PLEKHA8: variants seen among roughly 807,000 people sequenced by gnomAD.
PLEKHA8 encodes the protein pleckstrin homology domain-containing family A member 8.
In PLEKHA8, 36 loss-of-function variants were observed where a neutral mutation model predicts 68.2. The ratio of observed to expected loss-of-function variants is 0.53; its 90% CI spans 0.40 to 0.70. The LOEUF (loss-of-function observed/expected upper bound fraction) is 0.70, where lower values mean the gene tolerates loss of function less well. PLEKHA8 is among the 30% of genes least tolerant of loss of function. PLEKHA8 has a pLI of 0.00. For missense variants in PLEKHA8, 505 were observed against 615.4 expected, an observed-to-expected ratio of 0.82 and a Z score of 1.90; for synonymous variants, 211 against 216.1, an observed-to-expected ratio of 0.98 and a Z score of 0.20.
chr7:30,117,875 C>T (rs892345037), intron 13 of PLEKHA8: 15 of 814,004 alleles, frequency 1.8e-5, no homozygotes, highest in East Asian at 2.8e-5. Flanking sequence ...AACTACACAA[C>T]TCTACTTCCT....
intron 9 of PLEKHA8, among the ~76,000 whole-genome samples, chr7:30,057,553 G>A (rs1174806806): frequency 6.6e-6 from 1 of 151,834 alleles, no homozygotes; most frequent in African/African-American, 2.4e-5. Flanking sequence ...CACCTCCCGG[G>A]TTCAAGTGAT....
chr7:30,031,364 T>G (rs1790647545), intron 1 of PLEKHA8, among the ~76,000 whole-genome samples: 1 of 152,150 alleles, frequency 6.6e-6, no homozygotes, highest in African/African-American at 2.4e-5. Context: ...GAAGGATAAA[T>G]CAAGCTGTTA....
At chr7:30,094,788 T>A (rs1377179401), downstream of PLEKHA8, among the ~76,000 whole-genome samples, 1 of 151,500 alleles carries the variant, frequency 6.6e-6, no homozygotes, top group African/African-American at 2.4e-5. Flanking sequence ...TGGTTTTTTG[T>A]CCTCGTGATA....
chr7:30,092,617 G>A (rs1795462169), downstream of PLEKHA8, among the ~76,000 whole-genome samples: 1 of 152,166 alleles, frequency 6.6e-6, no homozygotes, highest in African/African-American at 2.4e-5. Flanking sequence ...GAGGACATCT[G>A]TTTTTCTGCC....
chr7:30,124,195 T>C (rs1015279922), intron 13 of PLEKHA8, among the ~76,000 whole-genome samples: 1 of 152,208 alleles, frequency 6.6e-6, no homozygotes, highest in African/African-American at 2.4e-5. Context: ...TTTTACACTT[T>C]TAGGACTTAT....
chr7:30,121,627 TA>T (rs35012989), intron 13 of PLEKHA8, among the ~76,000 whole-genome samples: 12 of 148,564 alleles, frequency 8.1e-5, no homozygotes, highest in African/African-American at 2.0e-4. Context: ...AGACCCTGTC[TA>T]AAAAAAAAAC....
At chr7:30,046,186 G>T (rs553264044) in intron 2 of PLEKHA8, 24 bp from the exon 3 acceptor site, 1 of 1,542,798 alleles carries the variant, frequency 6.5e-7, no homozygotes, top group Admixed American at 1.9e-5. Context: ...CTGAGTCTCT[G>T]ATCTCCCTCT....
intron 13 of PLEKHA8, among the ~76,000 whole-genome samples, chr7:30,117,317 G>A (rs1192953799): frequency 6.6e-6 from 1 of 152,150 alleles, no homozygotes; most frequent in Non-Finnish European, 1.5e-5. Flanking sequence ...ATGAATTTGA[G>A]TTCCAAGTTA....
downstream of PLEKHA8, among the ~76,000 whole-genome samples, chr7:30,086,209 G>A (rs1183103333): frequency 6.6e-6 from 1 of 152,228 alleles, no homozygotes. Flanking sequence ...AAGAAAGGAA[G>A]TGCCTTTCAG....
In PLEKHA8 at chr7:30,127,808, T is replaced by C. The variant is rs1356553525; in HGVS notation, c.1363-1458T>C. Among the ~76,000 whole-genome samples, 3 of 152,370 alleles carry C rather than the reference T, an allele frequency of 2.0e-5. No individual in the cohort carries two copies. The East Asian group carries it at 5.8e-4, about 29-fold the overall frequency. The stretch of plus-strand genomic sequence containing the variant: ...CCCATGGATATTAACCAATTTTACA[T>C]CTATTTTTACATTCATTTCAGCATT... On this transcript the variant is annotated intron_variant, in intron 13 of 13. Transcript: ENST00000396257.
At chr7:30,058,673 A>G (rs1793192846) in intron 9 of PLEKHA8, among the ~76,000 whole-genome samples, 1 of 152,154 alleles carries the variant, frequency 6.6e-6, no homozygotes, top group African/African-American at 2.4e-5. Context: ...TTGAAATCAG[A>G]TAATGTAAGT....
intron 6 of PLEKHA8, among the ~76,000 whole-genome samples, chr7:30,051,665 A>T (rs946785793): frequency 6.6e-6 from 1 of 152,086 alleles, no homozygotes. Flanking sequence ...TTTCTCTCAG[A>T]CATACTTTAT....
At chr7:30,041,482 T>C (rs1791532094) in intron 1 of PLEKHA8, among the ~76,000 whole-genome samples, 1 of 149,386 alleles carries the variant, frequency 6.7e-6, no homozygotes, top group Non-Finnish European at 1.5e-5. Flanking sequence ...TGCAGTGGCG[T>C]GATCATAGCT....
At chr7:30,046,482 ATGCTG>A in intron 3 of PLEKHA8, 117 bp downstream of exon 3, 1 of 1,139,698 alleles carries the variant, frequency 8.8e-7, no homozygotes, top group Non-Finnish European at 1.2e-6. Flanking sequence ...TGTCATGCAA[ATGCTG>A]TGTATCTTAG....
At chr7:30,092,806 GA>G (rs1363655709), downstream of PLEKHA8, among the ~76,000 whole-genome samples, 1 of 152,216 alleles carries the variant, frequency 6.6e-6, no homozygotes, top group Non-Finnish European at 1.5e-5. Flanking sequence ...TAGAGACTGG[GA>G]GAGACGATCC....
chr7:30,075,256 G>C (rs1167466599), intron 13 of PLEKHA8: 12 of 152,250 alleles, frequency 7.9e-5, no homozygotes, highest in African/African-American at 2.6e-4. Flanking sequence ...GGAGATTAAA[G>C]CTCCATATCC....
chr7:30,043,136 A>G (rs1031775624), intron 1 of PLEKHA8, among the ~76,000 whole-genome samples: 4 of 152,198 alleles, frequency 2.6e-5, no homozygotes, highest in African/African-American at 9.6e-5. Flanking sequence ...TGCTGGGACC[A>G]CAGGTGTATG....
intron 13 of PLEKHA8, among the ~76,000 whole-genome samples, chr7:30,109,513 G>A (rs541199129): frequency 2.0e-5 from 3 of 148,962 alleles, no homozygotes; most frequent in African/African-American, 4.9e-5. Context: ...GCTTGAACCC[G>A]GGAGGTGGAG....
rs375105562 is a variant in PLEKHA8 at position 30,079,261 on chromosome 7, G to A, written c.*474G>A. On this transcript the variant is annotated 3_prime_UTR_variant, in exon 14 of 14. Transcript: ENST00000449726. The stretch of plus-strand genomic sequence containing the variant: ...TGTGTAGAGTTTGCTGTTCCTAGAT[G>A]TTCTTCAGTGGACCCTCTTCACTGC... 79 of 990,048 alleles carry A rather than the reference G, an allele frequency of 8.0e-5. No homozygotes were observed. The African/African-American group carries it at 1.3e-3, about 16-fold the overall frequency. 61.3% of individuals were successfully genotyped at this position (990,048 alleles called of 1,614,324 possible).
Sources: gnomAD v4.1 joint callset for allele counts (sites outside exome capture counted in the v4.1 genomes callset) on GRCh38, gnomAD v4.1.1 for gene constraint, MANE v1.5 for transcripts, NCBI Gene and HGNC (gene_info 2026-07-23, HGNC 2026-07-21) for gene names.